Variants in PRKN observed in about 807,000 individuals in gnomAD.
PRKN encodes parkin RBR E3 ubiquitin protein ligase.
In PRKN, 56 loss-of-function variants were observed where a neutral mutation model predicts 59.5. The ratio of observed to expected loss-of-function variants is 0.94; its 90% CI spans 0.76 to 1.18. PRKN has a LOEUF of 1.18. Among genes scored for constraint, PRKN ranks in the 50% most tolerant of loss-of-function variants. The probability of loss-of-function intolerance (pLI) is 0.00; values close to 1 mark genes in which losing one functional copy is unlikely to be tolerated. For synonymous variants in PRKN, 250 were observed against 222.1 expected (o/e 1.13, Z -1.12); for missense variants, 657 against 596.4 (o/e 1.10, Z -1.06).
At chr6:162,484,526 C>G (rs1164095203) in intron 1 of PRKN, among the ~76,000 whole-genome samples, 1 of 152,156 alleles carries the variant, frequency 6.6e-6, no homozygotes, top group East Asian at 1.9e-4. Context: ...ATGGGTATGA[C>G]TGAGTTACAA....
chr6:161,908,845 C>G (rs979378260), intron 6 of PRKN, among the ~76,000 whole-genome samples: 2 of 152,196 alleles, frequency 1.3e-5, no homozygotes, highest in African/African-American at 2.4e-5. Flanking sequence ...AAAATATAAA[C>G]TGTAACTCAC....
intron 4 of PRKN, among the ~76,000 whole-genome samples, chr6:162,182,427 C>T (rs557338595): frequency 3.4e-4 from 52 of 152,300 alleles, no homozygotes; most frequent in Admixed American, 9.1e-4. Flanking sequence ...GCTGTAGTTG[C>T]CGTCAGGCTG....
chr6:161,929,991 G>A (rs74852505), intron 6 of PRKN, among the ~76,000 whole-genome samples: 9,860 of 152,200 alleles, frequency 0.065, 461 homozygotes, highest in Middle Eastern at 0.12. Flanking sequence ...CAGTAAAATG[G>A]AAAATTGTTG....
chr6:162,568,758 C>G, intron 1 of PRKN: 4 of 744,502 alleles, frequency 5.4e-6, no homozygotes, highest in Admixed American at 5.2e-5. Flanking sequence ...CCCTAGGGGG[C>G]AGCCGGACAC....
chr6:161,610,099 T>C (rs137884398), intron 7 of PRKN, among the ~76,000 whole-genome samples: 202 of 152,350 alleles, frequency 1.3e-3, no homozygotes, highest in African/African-American at 4.2e-3. Context: ...AATTGTATTA[T>C]GTGCCAAGCA....
chr6:162,549,521 C>T (rs73591884), intron 1 of PRKN, among the ~76,000 whole-genome samples: 3,140 of 152,018 alleles, frequency 0.021, 124 homozygotes, highest in African/African-American at 0.071. Flanking sequence ...TTATTATTAG[C>T]GATTAGTTTC....
chr6:161,917,881 G>T (rs1778632228), intron 6 of PRKN, among the ~76,000 whole-genome samples: 1 of 152,188 alleles, frequency 6.6e-6, no homozygotes, highest in Admixed American at 6.5e-5. Flanking sequence ...AGGCTTCGCT[G>T]ATCATGTCAC....
At chr6:162,713,615 C>T (rs1002976813) in intron 1 of PRKN, among the ~76,000 whole-genome samples, 68 of 151,636 alleles carry the variant, frequency 4.5e-4, no homozygotes, top group African/African-American at 1.6e-3. Context: ...ATCCCATTAT[C>T]AAAAATCCTA....
intron 2 of PRKN, among the ~76,000 whole-genome samples, chr6:162,268,265 C>G (rs1414849865): frequency 6.6e-6 from 1 of 152,120 alleles, no homozygotes; most frequent in Admixed American, 6.6e-5. Context: ...GGTGGAGCCT[C>G]TAGAAGGTGA....
chr6:162,487,630 T>C (rs1439646614), intron 1 of PRKN, among the ~76,000 whole-genome samples: 4 of 152,180 alleles, frequency 2.6e-5, no homozygotes, highest in Non-Finnish European at 4.4e-5. Context: ...AGATTTAAGT[T>C]CTTACAATCA....
At chr6:162,100,289 C>G (rs567978163) in intron 4 of PRKN, among the ~76,000 whole-genome samples, 1 of 152,044 alleles carries the variant, frequency 6.6e-6, no homozygotes, top group Non-Finnish European at 1.5e-5. Flanking sequence ...TGGATACGTA[C>G]CCAGAAGTGA....
rs1430179416 is a variant in PRKN at position 162,271,256 on chromosome 6, G to A, written c.172-8491C>T. Among the ~76,000 whole-genome samples the A allele has an allele frequency of 2.0e-5, 3 of 152,182 alleles. No homozygotes were observed. In the East Asian group the frequency reaches 5.8e-4, roughly 29 times the overall value. Reference sequence around the variant, plus strand: ...AAAACGGCAATGATTTAATAAGTTAGGCCGAATGCAGTGGCTCACGTCTGT... The same window carrying A: ...AAAACGGCAATGATTTAATAAGTTAAGCCGAATGCAGTGGCTCACGTCTGT... On this transcript the variant is annotated intron_variant, in intron 2 of 11. Coordinates refer to ENST00000366898, the MANE Select transcript of PRKN (RefSeq NM_004562.3).
chr6:162,576,994 A>G (rs908110665), intron 1 of PRKN, among the ~76,000 whole-genome samples: 1 of 152,102 alleles, frequency 6.6e-6, no homozygotes, highest in African/African-American at 2.4e-5. Context: ...TCTAAACACG[A>G]CCATAAAGAT....
intron 1 of PRKN, among the ~76,000 whole-genome samples, chr6:162,684,651 CATA>C (rs1368792961): frequency 6.6e-6 from 1 of 152,062 alleles, no homozygotes; most frequent in African/African-American, 2.4e-5. Context: ...ACTGAGAATG[CATA>C]ATACATGGGG....
At chr6:162,566,979 T>C (rs537704360) in intron 1 of PRKN, among the ~76,000 whole-genome samples, 1 of 152,322 alleles carries the variant, frequency 6.6e-6, no homozygotes, top group Admixed American at 6.5e-5. Context: ...ATCAATGTGA[T>C]ACATCATATC....
chr6:161,755,669 T>C (rs891292602), intron 7 of PRKN, among the ~76,000 whole-genome samples: 4 of 152,132 alleles, frequency 2.6e-5, no homozygotes, highest in Admixed American at 2.6e-4. Context: ...AAATGGATAG[T>C]AGACAAACAC....
At chr6:162,553,557 A>C (rs77940567) in intron 1 of PRKN, among the ~76,000 whole-genome samples, 12 of 138,698 alleles carry the variant, frequency 8.7e-5, no homozygotes, top group South Asian at 4.6e-4. Flanking sequence ...AAAAAAAAAA[A>C]CACCCTAAAG....
At chr6:162,024,433 G>A (rs1330905502) in intron 5 of PRKN, among the ~76,000 whole-genome samples, 1 of 152,114 alleles carries the variant, frequency 6.6e-6, no homozygotes, top group Non-Finnish European at 1.5e-5. Flanking sequence ...CTGACTTCAG[G>A]TGATCCACCG....
chr6:161,862,909 G>T (rs902944260), intron 6 of PRKN, among the ~76,000 whole-genome samples: 1 of 152,142 alleles, frequency 6.6e-6, no homozygotes, highest in Non-Finnish European at 1.5e-5. Context: ...AAGACACCAT[G>T]ATCATATTGC....
Sources: allele counts gnomAD v4.1 joint callset (sites outside exome capture counted in the v4.1 genomes callset), GRCh38; gene constraint gnomAD v4.1.1; transcripts MANE v1.5; gene names NCBI Gene and HGNC (gene_info 2026-07-23, HGNC 2026-07-21).